The following RGS6 variants were observed in gnomAD, a reference collection of about 807,000 sequenced individuals.
RGS6 encodes regulator of G protein signaling 6.
RGS6 carries 30 observed loss-of-function variants against 78.5 expected under a neutral mutation model. The ratio of observed to expected loss-of-function variants is 0.38; its 90% confidence interval spans 0.29 to 0.52. RGS6 has a LOEUF of 0.52. Ranked by LOEUF, RGS6 falls within the 20% of genes least tolerant of loss-of-function variation. The probability of loss-of-function intolerance (pLI) is 0.85; values close to 1 mark genes in which losing one functional copy is unlikely to be tolerated. For missense variants in RGS6, 495 were observed against 609.7 expected, an observed-to-expected ratio of 0.81 and a Z score of 1.98; for synonymous variants, 206 against 206.0, an observed-to-expected ratio of 1.00 and a Z score of 0.00.
chr14:72,279,580 T>C (rs2061252662), intron 2 of RGS6, among the ~76,000 whole-genome samples: 1 of 152,118 alleles, frequency 6.6e-6, no homozygotes, highest in Admixed American at 6.5e-5. Context: ...CACCACAGAC[T>C]CTAAGGAGAA....
At chr14:72,543,066 A>G (rs61175412) in intron 17 of RGS6, among the ~76,000 whole-genome samples, 5,600 of 152,306 alleles carry the variant, frequency 0.037, 173 homozygotes, top group East Asian at 0.092. Flanking sequence ...GTCTGGGGAC[A>G]CTGGGCCAAG....
chr14:72,210,703 C>T (rs2043901950), intron 2 of RGS6, among the ~76,000 whole-genome samples: 1 of 152,170 alleles, frequency 6.6e-6, no homozygotes, highest in South Asian at 2.1e-4. Context: ...ACCTGGTCTT[C>T]TGCTTTTTCC....
chr14:72,028,440 C>G lies in RGS6; in HGVS notation c.84+63565C>G, dbSNP rs530155416. Among the ~76,000 whole-genome samples the G allele has an allele frequency of 3.3e-5, 5 of 152,328 alleles. No individual in the cohort carries two copies. The South Asian group carries it at 8.3e-4, about 25-fold the overall frequency. ...CTTAGCTAATACATCTTACAGTTAG[C>G]TCTGAAAGGAGAATTTATTTAAACA... On this transcript the variant is annotated intron_variant, in intron 2 of 17. Transcript: ENST00000553525.
At chr14:72,548,144 A>T (rs1027391373) in intron 17 of RGS6, among the ~76,000 whole-genome samples, 1 of 152,168 alleles carries the variant, frequency 6.6e-6, no homozygotes, top group Non-Finnish European at 1.5e-5. Flanking sequence ...ACAAGGGTTC[A>T]GCCATGGCCC....
chr14:71,915,543 A>T, the RGS6 span, among the ~76,000 whole-genome samples: 4 of 152,232 alleles, frequency 2.6e-5, no homozygotes, highest in Admixed American at 6.5e-5. Context: ...CCTCCATCCC[A>T]GCAGGACCCA....
In RGS6 at chr14:72,170,619, A is replaced by G. The variant is rs74883588; in HGVS notation, c.85-181476A>G. Among the ~76,000 whole-genome samples the G allele has an allele frequency of 5.4e-3, 817 of 152,338 alleles. 4 individuals carry two copies. The highest frequency in any genetic ancestry group is 0.018 in the African/African-American group (766 of 41,574). On this transcript the variant is annotated intron_variant, in intron 2 of 17. Transcript: ENST00000553525. The stretch of plus-strand genomic sequence containing the variant: ...CATTTGGCTATGATTTATTTAGGTC[A>G]ACATTGATTTCTGTAGCTTATTTAG...
At chr14:72,275,558 T>C (rs1205637997) in intron 2 of RGS6, among the ~76,000 whole-genome samples, 1 of 152,182 alleles carries the variant, frequency 6.6e-6, no homozygotes, top group Non-Finnish European at 1.5e-5. Context: ...ATGTCTATAG[T>C]CTTAATTACA....
At chr14:72,210,688 G>C (rs773294730) in intron 2 of RGS6, among the ~76,000 whole-genome samples, 25 of 152,200 alleles carry the variant, frequency 1.6e-4, no homozygotes, top group Middle Eastern at 3.4e-3. Context: ...TTTTGGAATT[G>C]ATCTACCTGG....
chr14:72,519,747 C>T (rs570242639), intron 15 of RGS6, among the ~76,000 whole-genome samples: 1 of 152,242 alleles, frequency 6.6e-6, no homozygotes, highest in Admixed American at 6.5e-5. Context: ...TGTGTATGTA[C>T]GTATGCTTTC....
intron 2 of RGS6, among the ~76,000 whole-genome samples, chr14:72,164,134 G>T (rs778715571): frequency 6.6e-6 from 1 of 152,142 alleles, no homozygotes; most frequent in African/African-American, 2.4e-5. Context: ...CCAGTCTGCC[G>T]TGCCTCACCC....
intron 2 of RGS6, among the ~76,000 whole-genome samples, chr14:72,041,232 G>T (rs539547134): frequency 6.6e-6 from 1 of 152,178 alleles, no homozygotes; most frequent in African/African-American, 2.4e-5. Flanking sequence ...TTTGTGTAGG[G>T]GAAGACCTTT....
chr14:72,082,076 G>T (rs148838952), intron 2 of RGS6, among the ~76,000 whole-genome samples: 71 of 152,048 alleles, frequency 4.7e-4, no homozygotes, highest in African/African-American at 1.6e-3. Context: ...TGAATTGGAG[G>T]ATAATGAAAT....
chr14:72,395,661 C>T (rs139713276), intron 3 of RGS6, among the ~76,000 whole-genome samples: 2,189 of 152,164 alleles, frequency 0.014, 31 homozygotes, highest in Non-Finnish European at 0.023. Context: ...TTAGGTATAT[C>T]TCCTAATGCT....
intron 2 of RGS6, among the ~76,000 whole-genome samples, chr14:71,997,904 A>G (rs542868250): frequency 4.9e-4 from 75 of 152,324 alleles, no homozygotes; most frequent in African/African-American, 1.7e-3. Flanking sequence ...GATTTCCTAG[A>G]GGGAATAGGT....
intron 2 of RGS6, among the ~76,000 whole-genome samples, chr14:72,077,528 T>C (rs2094625977): frequency 6.6e-6 from 1 of 152,186 alleles, no homozygotes; most frequent in Admixed American, 6.5e-5. Context: ...TATCAACTCG[T>C]TGGAAAATGA....
At chr14:72,150,665 G>T (rs1366276175) in intron 2 of RGS6, among the ~76,000 whole-genome samples, 1 of 151,960 alleles carries the variant, frequency 6.6e-6, no homozygotes. Context: ...ATTGCTGCGA[G>T]GTGCTACATA....
At position 72,387,536 on chromosome 14, in the gene RGS6, G is replaced by A. The variant is rs1394391851; in HGVS notation, c.184+35342G>A. On this transcript the variant is annotated intron_variant, in intron 3 of 17. Coordinates refer to ENST00000553525, the MANE Select transcript of RGS6 (RefSeq NM_001204424.2). ...TGGACTCCAGCCTGGGTGACAGAGC[G>A]AGACTCCATCTCAAACAAAAAAAAA... 4.4e-4 allele frequency among the ~76,000 whole-genome samples: 66 copies of A among 149,936 alleles called. 1 individual carries two copies. The highest frequency in any genetic ancestry group is 7.8e-4 in the East Asian group (4 of 5,132).
intron 12 of RGS6, among the ~76,000 whole-genome samples, chr14:72,483,535 C>T (rs1008327149): frequency 6.6e-6 from 1 of 152,078 alleles, no homozygotes; most frequent in Non-Finnish European, 1.5e-5. Context: ...GGACTGGATA[C>T]CCCTAAGGGT....
chr14:72,040,810 A>G (rs944076844), intron 2 of RGS6, among the ~76,000 whole-genome samples: 2 of 152,118 alleles, frequency 1.3e-5, no homozygotes, highest in Admixed American at 6.6e-5. Context: ...ACCTATCTTC[A>G]AATTCATTGA....
Sources: allele counts gnomAD v4.1 joint callset (sites outside exome capture counted in the v4.1 genomes callset), GRCh38; gene constraint gnomAD v4.1.1; transcripts MANE v1.5; gene names NCBI Gene and HGNC (gene_info 2026-07-23, HGNC 2026-07-21).